LYST: variants seen among roughly 807,000 people sequenced by gnomAD.
LYST encodes the protein lysosomal trafficking regulator.
In LYST, 192 loss-of-function variants were observed where a neutral mutation model predicts 413.6. That is an observed-to-expected ratio of 0.46 (90% CI 0.41 to 0.52). LYST has a LOEUF of 0.52. LYST is among the 20% of genes least tolerant of loss of function. LYST has a pLI of 0.00. For missense variants in LYST, 3,815 were observed against 4,499.9 expected (o/e 0.85, Z 4.35); for synonymous variants, 1,525 against 1,567.3 (o/e 0.97, Z 0.64).
At chr1:235,765,024 C>T (rs1042242735) in intron 21 of LYST, among the ~76,000 whole-genome samples, 4 of 152,144 alleles carry the variant, frequency 2.6e-5, no homozygotes, top group African/African-American at 9.7e-5. Context: ...TTAGCTTTCT[C>T]TTTCCTTCTC....
chr1:235,858,352 TGAC>T (rs1160120461), intron 1 of LYST, among the ~76,000 whole-genome samples: 5 of 152,086 alleles, frequency 3.3e-5, no homozygotes, highest in African/African-American at 1.2e-4. Flanking sequence ...TTTACTATAG[TGAC>T]TACTACACAG....
upstream of LYST, among the ~76,000 whole-genome samples, chr1:235,867,358 T>C (rs370124279): frequency 1.4e-4 from 22 of 152,158 alleles, no homozygotes; most frequent in African/African-American, 4.8e-4. Flanking sequence ...AGGATGAAGA[T>C]AGAAGAAATA....
chr1:235,711,480 T>C (rs1446604967), intron 43 of LYST, among the ~76,000 whole-genome samples: 2 of 152,218 alleles, frequency 1.3e-5, no homozygotes, highest in Non-Finnish European at 2.9e-5. Context: ...CATAAAATTA[T>C]AGAATTAAGT....
chr1:235,859,156 C>T (rs577801869), intron 1 of LYST, among the ~76,000 whole-genome samples: 9 of 152,300 alleles, frequency 5.9e-5, no homozygotes, highest in South Asian at 4.1e-4. Context: ...ATTTCCTTTT[C>T]GTTTTTAAAC....
At chr1:235,713,162 G>C (rs1051116719) in intron 42 of LYST, 1 of 984,670 alleles carries the variant, frequency 1.0e-6, no homozygotes. Flanking sequence ...GCATTGGCTG[G>C]CCACTAAAAA....
At chr1:235,839,736 A>G (rs1677000350) in intron 1 of LYST, 1 of 151,542 alleles carries the variant, frequency 6.6e-6, no homozygotes, top group African/African-American at 2.4e-5. Flanking sequence ...AACCTGGGAG[A>G]GAAGGTTGCA....
At chr1:235,769,988 T>C (rs566679919) in intron 20 of LYST, among the ~76,000 whole-genome samples, 172 bp downstream of exon 20, 42 of 151,630 alleles carry the variant, frequency 2.8e-4, no homozygotes, top group Non-Finnish European at 3.8e-4. Flanking sequence ...AGCTGTAAGA[T>C]GCAGCAGTTG....
At chr1:235,734,868 T>C in intron 31 of LYST, 1 of 422,498 alleles carries the variant, frequency 2.4e-6, no homozygotes, top group South Asian at 4.7e-5. Flanking sequence ...TTTTGTTAGA[T>C]GTAATAATGT....
At chr1:235,829,509 A>G (rs1199783340) in intron 3 of LYST, 1 of 152,202 alleles carries the variant, frequency 6.6e-6, no homozygotes, top group Non-Finnish European at 1.5e-5. Flanking sequence ...CTGAAAGCAG[A>G]TTGTAGAGTT....
At position 235,830,346 on chromosome 1, in the gene LYST, GACC is replaced by G. The variant is rs1267987588; in HGVS notation, c.69_71del (p.Val24del). ...CTTCCTCCCTGGCCTCCACCCTCTGGACCACTGCATTGCAAAGCCGGTTGACAT... is the reference window on the plus strand; with the variant it reads ...CTTCCTCCCTGGCCTCCACCCTCTGGACTGCATTGCAAAGCCGGTTGACAT... On this transcript the variant is annotated inframe_deletion, in exon 3 of 53. Coordinates refer to ENST00000389793, the MANE Select transcript of LYST (RefSeq NM_000081.4). 6.2e-7 allele frequency: 1 copy of G among 1,613,490 alleles called. No homozygotes were observed. Among genetic ancestry groups the G allele is most frequent in the African/African-American group, 1.3e-5 (1 of 74,794 alleles).
chr1:235,846,972 A>C (rs1354348043), intron 1 of LYST, among the ~76,000 whole-genome samples: 1 of 152,206 alleles, frequency 6.6e-6, no homozygotes, highest in Non-Finnish European at 1.5e-5. Context: ...TAATTGAGGA[A>C]AACTTCCCTG....
chr1:235,809,926 C>T lies in LYST; in HGVS notation c.892G>A (p.Asp298Asn). Residue 298 changes from aspartate to asparagine, a missense_variant, in exon 5 of 53, where the codon GAC (aspartate) becomes AAC (asparagine). Asp to Asn is a conservative substitution (Grantham distance 23). Transcript: ENST00000389793. The surrounding 1 kb of genome is among the most constrained non-coding windows in gnomAD (Gnocchi z 4.0). ...TLTEFLAGFGDCCSLSDNLES... is the reference protein window; with the variant it reads ...TLTEFLAGFGNCCSLSDNLES... ...AAGTTGTCGCTCAGACTGCAGCAGTCCCCAAAGCCTGCTAGGAATTCAGTT... is the reference window on the plus strand; with the variant it reads ...AAGTTGTCGCTCAGACTGCAGCAGTTCCCAAAGCCTGCTAGGAATTCAGTT... 9 of 1,613,956 alleles carry T rather than the reference C, an allele frequency of 5.6e-6. No homozygotes were observed. The highest frequency in any genetic ancestry group is 7.6e-6 in the Non-Finnish European group (9 of 1,179,962).
chr1:235,756,419 C>T (rs1667057330), intron 24 of LYST, among the ~76,000 whole-genome samples: 1 of 152,154 alleles, frequency 6.6e-6, no homozygotes, highest in African/African-American at 2.4e-5. Context: ...AAGTATGAGA[C>T]TCTCCCTTCT....
chr1:235,734,795 CTGAGGA>C, intron 31 of LYST, 136 bp from the exon 32 acceptor site: 1 of 611,818 alleles, frequency 1.6e-6, no homozygotes, highest in Non-Finnish European at 2.8e-6. Flanking sequence ...AAAAGACATT[CTGAGGA>C]TAAGTACAGA....
intron 1 of LYST, among the ~76,000 whole-genome samples, chr1:235,881,370 A>G (rs1248551010): frequency 2.0e-5 from 3 of 152,234 alleles, no homozygotes; most frequent in Non-Finnish European, 4.4e-5. Context: ...GTTTGTATAT[A>G]GCTACATTAC....
At chr1:235,783,281 T>C (rs930629656) in intron 14 of LYST, among the ~76,000 whole-genome samples, 1 of 152,214 alleles carries the variant, frequency 6.6e-6, no homozygotes, top group African/African-American at 2.4e-5. Flanking sequence ...TAATGTTTTT[T>C]TTTTTAATAA....
chr1:235,728,119 A>G lies in LYST; in HGVS notation c.9119T>C (p.Met3040Thr), dbSNP rs775996038. The part of the protein sequence containing the change: ...AGELLLGKCG[M>T]YFVEDNASDT... The stretch of plus-strand genomic sequence containing the variant: ...AGAAGCATTATCTTCCACAAAATAC[A>G]TTCCACATTTACCTGCAGAAAGTAA... The change falls in exon 38 of 53, where the codon ATG becomes ACG. Residue 3040 changes from methionine (M) to threonine (T), a missense_variant. Coordinates refer to ENST00000389793, the MANE Select transcript of LYST (RefSeq NM_000081.4). 6.2e-7 allele frequency: 1 copy of G among 1,611,854 alleles called. No individual in the cohort carries two copies. The highest frequency in any genetic ancestry group is 1.1e-5 in the South Asian group (1 of 91,038).
At position 235,702,886 on chromosome 1, in the gene LYST, C is replaced by G; in HGVS notation, c.10235G>C (p.Arg3412Pro). ...CACATGGGCCATGTGGAACAGCTGA[C>G]GGGGAGTCTGCCCGTAGGTTTTTAT... is the stretch of plus-strand genomic sequence containing the variant. ...TMIKTYGQTP[R>P]QLFHMAHVSR... The change falls in exon 45 of 53, where the codon CGT becomes CCT. Residue 3412 changes from arginine (R) to proline (P), a missense_variant. This residue lies in a region of LYST where 866 missense variants were observed against 1,156.0 expected (regional missense o/e 0.75). Transcript: ENST00000389793. The G allele has an allele frequency of 6.2e-7, 1 of 1,614,152 alleles. No homozygotes were observed. The highest frequency in any genetic ancestry group is 8.5e-7 in the Non-Finnish European group (1 of 1,180,014).
chr1:235,867,195 C>T (rs575706498), upstream of LYST, among the ~76,000 whole-genome samples: 6 of 152,342 alleles, frequency 3.9e-5, no homozygotes, highest in African/African-American at 1.4e-4. Flanking sequence ...GGGGTCGTAC[C>T]CTGGGTCCGC....
Sources: gnomAD v4.1 joint callset for allele counts (sites outside exome capture counted in the v4.1 genomes callset) on GRCh38, gnomAD v4.1.1 for gene constraint, gnomAD v4.1.1 regional missense constraint, Gnocchi (gnomAD v3.1) non-coding constraint, MANE v1.5 for transcripts, NCBI Gene and HGNC (gene_info 2026-07-23, HGNC 2026-07-21) for gene names.